The following ZNF607 variants were observed in gnomAD, a reference collection of about 807,000 sequenced individuals.
The protein encoded by ZNF607 is zinc finger protein 607.
A neutral mutation model predicts 12.8 loss-of-function variants in ZNF607; 5 were observed. The observed-to-expected ratio is 0.39, with a 90% CI of 0.20 to 0.82. ZNF607 has a LOEUF of 0.82. Ranked by LOEUF, ZNF607 falls within the 40% of genes least tolerant of loss-of-function variation. ZNF607 has a pLI of 0.39. For missense variants in ZNF607, 851 were observed against 859.2 expected (o/e 0.99, Z 0.12); for synonymous variants, 287 against 276.2 (o/e 1.04, Z -0.39).
At chr19:37,708,078 A>C in intron 3 of ZNF607, 66 bp from the exon 4 acceptor site, 1 of 1,300,998 alleles carries the variant, frequency 7.7e-7, no homozygotes, top group Non-Finnish European at 1.1e-6. Flanking sequence ...TAAAATTACA[A>C]TTGCAATAAA....
At chr19:37,713,652 G>A (rs1198895986) in intron 1 of ZNF607, among the ~76,000 whole-genome samples, 1 of 151,844 alleles carries the variant, frequency 6.6e-6, no homozygotes, top group Non-Finnish European at 1.5e-5. Context: ...TGTTGGCCAG[G>A]CTGGTCTCAA....
rs1186432684 is a variant in ZNF607, at chr19:37,711,615, A to AC, written c.3dup (p.Ser2ValfsTer39). ...GGCGAGAAATATCAACTTACATAGG[A>AC]CATGGTTTGAGACTGGCAAGAGTTG... On this transcript the variant is annotated frameshift_variant, in exon 2 of 5. Coordinates refer to ENST00000355202, the MANE Select transcript of ZNF607 (RefSeq NM_032689.5). LOFTEE classifies it high-confidence loss of function. The AC allele has an allele frequency of 6.2e-7, 1 of 1,613,974 alleles. No individual in the cohort carries two copies. The highest frequency in any genetic ancestry group is 2.2e-5 in the East Asian group (1 of 44,868).
At chr19:37,708,771 C>A (rs1449494893) in intron 3 of ZNF607, among the ~76,000 whole-genome samples, 1 of 151,278 alleles carries the variant, frequency 6.6e-6, no homozygotes, top group African/African-American at 2.4e-5. Flanking sequence ...TCACTTTAAC[C>A]CGGGAGGCGG....
At chr19:37,712,573 T>TG (rs1326857438) in intron 1 of ZNF607, among the ~76,000 whole-genome samples, 2 of 152,212 alleles carry the variant, frequency 1.3e-5, no homozygotes, top group Non-Finnish European at 2.9e-5. Flanking sequence ...CCATTTTGGC[T>TG]GAATACATGA....
chr19:37,707,289 C>T (rs968695388), intron 4 of ZNF607, among the ~76,000 whole-genome samples: 2 of 151,868 alleles, frequency 1.3e-5, no homozygotes, highest in African/African-American at 2.4e-5. Flanking sequence ...CCCAGAAGTT[C>T]AAGACCAGCC....
At chr19:37,713,229 T>C (rs1161520717) in intron 1 of ZNF607, among the ~76,000 whole-genome samples, 4 of 152,172 alleles carry the variant, frequency 2.6e-5, no homozygotes, top group East Asian at 3.9e-4. Flanking sequence ...GATGTCTCTG[T>C]TACGTGACAT....
At chr19:37,715,423 A>G (rs1599670345) in intron 1 of ZNF607, among the ~76,000 whole-genome samples, 3 of 151,540 alleles carry the variant, frequency 2.0e-5, no homozygotes, top group African/African-American at 7.3e-5. Flanking sequence ...CCTGACCAAC[A>G]TGGTAAAACC....
chr19:37,714,185 G>T (rs1003457171), intron 1 of ZNF607, among the ~76,000 whole-genome samples: 2 of 151,966 alleles, frequency 1.3e-5, no homozygotes, highest in African/African-American at 4.8e-5. Context: ...AGCCAGGCGT[G>T]GTGGCGGGCG....
In ZNF607 at chr19:37,699,703, T is replaced by C. The variant is rs924736994; in HGVS notation, c.428A>G (p.Gln143Arg). Reference protein sequence around the residue: ...QTIHTSEEPDQCEKFRKAFSH... With the variant: ...QTIHTSEEPDRCEKFRKAFSH... ...AAATGCCTTCCTAAACTTTTCACATTGATCAGGTTCCTCACTAGTATGAAT... is the reference window on the plus strand; with the variant it reads ...AAATGCCTTCCTAAACTTTTCACATCGATCAGGTTCCTCACTAGTATGAAT... Residue 143 changes from glutamine (Q) to arginine (R), a missense_variant, in exon 5 of 5, where the codon CAA becomes CGA. Transcript: ENST00000355202. The C allele has an allele frequency of 6.2e-7, 1 of 1,614,116 alleles. No individual in the cohort carries two copies. Among genetic ancestry groups the C allele is most frequent in the Non-Finnish European group, 8.5e-7 (1 of 1,179,992 alleles).
rs1215576357 is a variant in ZNF607 at position 37,699,078 on chromosome 19, T to C, written c.1053A>G (p.Gln351=). 6.2e-7 allele frequency: 1 copy of C among 1,614,110 alleles called. No homozygotes were observed. Among genetic ancestry groups the C allele is most frequent in the Admixed American group, 1.7e-5 (1 of 60,022 alleles). The change falls in exon 5 of 5, where the codon CAA becomes CAG. Residue 351 remains glutamine (Q), a synonymous_variant. Coordinates refer to ENST00000355202, the MANE Select transcript of ZNF607 (RefSeq NM_032689.5). ...ENGEAFSSGH[Q]LTAPHTFESV... ...TTTCAAATGTATGAGGTGCAGTAAG[T>C]TGATGGCCACTACTAAAAGCCTCCC...
chr19:37,717,515 G>A (rs866933445), intron 1 of ZNF607, among the ~76,000 whole-genome samples: 22 of 152,042 alleles, frequency 1.4e-4, no homozygotes, highest in African/African-American at 5.1e-4. Flanking sequence ...ATGAGCTGCG[G>A]CTGGGCGTGG....
rs142544482 is a variant in ZNF607, at chr19:37,711,611, T to C, written c.8A>G (p.Tyr3Cys). 1.4e-4 allele frequency: 230 copies of C among 1,613,948 alleles called. No individual in the cohort carries two copies. The highest frequency in any genetic ancestry group is 8.2e-4 in the Middle Eastern group (5 of 6,062). Residue 3 changes from tyrosine (Y) to cysteine (C), a missense_variant and splice_region_variant, in exon 2 of 5, where the codon TAT (tyrosine) becomes TGT (cysteine). Tyr to Cys is a radical substitution (Grantham distance 194). Coordinates refer to ENST00000355202, the MANE Select transcript of ZNF607 (RefSeq NM_032689.5). MSYGSITFGDVAI... is the reference protein window; with the variant it reads MSCGSITFGDVAI... Reference sequence around the variant, plus strand: ...ACATGGCGAGAAATATCAACTTACATAGGACATGGTTTGAGACTGGCAAGA... The same window carrying C: ...ACATGGCGAGAAATATCAACTTACACAGGACATGGTTTGAGACTGGCAAGA...
chr19:37,716,313 G>A (rs891025605), intron 1 of ZNF607, among the ~76,000 whole-genome samples: 1 of 152,194 alleles, frequency 6.6e-6, no homozygotes, highest in Non-Finnish European at 1.5e-5. Flanking sequence ...AAGGTTAAGC[G>A]GAGGTCATTT....
At position 37,715,863 on chromosome 19, in the gene ZNF607, A is replaced by C. The variant is rs2045172440; in HGVS notation, c.-75+3406T>G. The stretch of plus-strand genomic sequence containing the variant: ...GAACTATCTTTGGAAATATTACCAT[A>C]CTTGCAAGACATCTGGAAATCATAG... On this transcript the variant is annotated intron_variant, in intron 1 of 4. Coordinates refer to ENST00000355202, the MANE Select transcript of ZNF607 (RefSeq NM_032689.5). 1.3e-5 allele frequency among the ~76,000 whole-genome samples: 2 copies of C among 152,196 alleles called. 1 individual carries two copies. Among genetic ancestry groups the C allele is most frequent in the South Asian group, 4.1e-4 (2 of 4,830 alleles).
intron 1 of ZNF607, chr19:37,719,016 T>G (rs2145256312): frequency 6.6e-6 from 1 of 152,364 alleles, no homozygotes; most frequent in Middle Eastern, 3.4e-3. Context: ...CTATCATACC[T>G]TTCTTAAGGG....
intron 1 of ZNF607, among the ~76,000 whole-genome samples, chr19:37,716,605 C>T (rs2045178390): frequency 6.6e-6 from 1 of 152,144 alleles, no homozygotes; most frequent in Admixed American, 6.5e-5. Flanking sequence ...TCTGTAAAGA[C>T]AAAACCACAC....
At chr19:37,713,660 C>CA (rs2045150297) in intron 1 of ZNF607, among the ~76,000 whole-genome samples, 1 of 151,900 alleles carries the variant, frequency 6.6e-6, no homozygotes, top group African/African-American at 2.4e-5. Flanking sequence ...AGGCTGGTCT[C>CA]AAACTCTTGA....
At chr19:37,705,317 C>T (rs574669306) in intron 4 of ZNF607, among the ~76,000 whole-genome samples, 1 of 152,300 alleles carries the variant, frequency 6.6e-6, no homozygotes, top group African/African-American at 2.4e-5. Flanking sequence ...AAGCAGACCA[C>T]CAAAGCTTGA....
At chr19:37,712,290 ACATTT>A (rs1298042892) in intron 1 of ZNF607, among the ~76,000 whole-genome samples, 1 of 152,258 alleles carries the variant, frequency 6.6e-6, no homozygotes, top group Non-Finnish European at 1.5e-5. Context: ...ACTGACCAAT[ACATTT>A]ATTTTTGTAA....
Sources: allele counts gnomAD v4.1 joint callset (sites outside exome capture counted in the v4.1 genomes callset), GRCh38; gene constraint gnomAD v4.1.1; transcripts MANE v1.5; gene names NCBI Gene and HGNC (gene_info 2026-07-23, HGNC 2026-07-21).